Variants in TJP3 observed in about 807,000 individuals in gnomAD.
TJP3 encodes the protein tight junction protein 3.
TJP3 carries 85 observed loss-of-function variants against 104.2 expected under a neutral mutation model. That is an observed-to-expected ratio of 0.82 (90% confidence interval 0.68 to 0.98). The LOEUF is 0.98. TJP3 is among the 50% of genes least tolerant of loss of function. TJP3 has a pLI of 0.00. For missense variants in TJP3, 1,367 were observed against 1,322.8 expected, an observed-to-expected ratio of 1.03 and a Z score of -0.52; for synonymous variants, 550 against 550.6, an observed-to-expected ratio of 1.00 and a Z score of 0.02.
intron 11 of TJP3, 106 bp downstream of exon 11, chr19:3,736,427 C>A: frequency 8.4e-7 from 1 of 1,187,406 alleles, no homozygotes; most frequent in Non-Finnish European, 1.1e-6. Flanking sequence ...TGGGGACTGT[C>A]GAGACCCCAG....
At chr19:3,735,975 T>C (rs2145690275) in intron 10 of TJP3, 40 bp downstream of exon 10, 3 of 1,611,216 alleles carry the variant, frequency 1.9e-6, no homozygotes, top group South Asian at 1.1e-5. Flanking sequence ...TCAAAACTCC[T>C]ACATCCCAGG....
At chr19:3,737,722 C>T (rs552323709) in intron 11 of TJP3, among the ~76,000 whole-genome samples, 1 of 152,156 alleles carries the variant, frequency 6.6e-6, no homozygotes, top group African/African-American at 2.4e-5. Context: ...GTCATAAGCC[C>T]ACTGGCTGGG....
intron 1 of TJP3, among the ~76,000 whole-genome samples, chr19:3,717,359 A>AGC: frequency 8.1e-6 from 1 of 122,928 alleles, no homozygotes; most frequent in Non-Finnish European, 2.0e-5. Context: ...CGCCTTGGCC[A>AGC]TCCAAAGTGG....
In TJP3 at chr19:3,728,622, G is replaced by C; in HGVS notation, c.67G>C (p.Gly23Arg). Residue 23 changes from glycine to arginine, a missense_variant, in exon 3 of 21, where the codon GGC becomes CGC. Gly to Arg is a moderately radical substitution (Grantham distance 125). Transcript: ENST00000541714. ...CTCTCAGGACCCCCGCCGGGGCTTTGGCATTGCGATCTCTGGAGGCCGAGA... is the reference window on the plus strand; with the variant it reads ...CTCTCAGGACCCCCGCCGGGGCTTTCGCATTGCGATCTCTGGAGGCCGAGA... ...TLSKDPRRGF[G>R]IAISGGRDRP... The C allele has an allele frequency of 6.2e-7, 1 of 1,613,372 alleles. No homozygotes were observed. Among genetic ancestry groups the C allele is most frequent in the Non-Finnish European group, 8.5e-7 (1 of 1,179,892 alleles).
chr19:3,733,624 T>C (rs1239798552), intron 6 of TJP3, 129 bp from the exon 7 acceptor site: 3 of 1,247,826 alleles, frequency 2.4e-6, no homozygotes, highest in Middle Eastern at 2.7e-4. Context: ...ACACTTTCCT[T>C]AGGGAGTGGC....
chr19:3,735,765 C>G, intron 9 of TJP3, 104 bp from the exon 10 acceptor site: 1 of 1,581,636 alleles, frequency 6.3e-7, no homozygotes, highest in South Asian at 1.1e-5. Context: ...CTGAGAAGGA[C>G]TCGAGGTGGG....
chr19:3,725,271 A>ACAACCAAT (rs1322621366), intron 1 of TJP3, among the ~76,000 whole-genome samples: 1 of 151,362 alleles, frequency 6.6e-6, no homozygotes, highest in Non-Finnish European at 1.5e-5. Flanking sequence ...CAAAAACCAA[A>ACAACCAAT]CAACCAATCA....
chr19:3,742,426 C>G (rs184188589), intron 14 of TJP3, among the ~76,000 whole-genome samples: 6 of 151,686 alleles, frequency 4.0e-5, no homozygotes, highest in African/African-American at 1.2e-4. Flanking sequence ...AAGCCAGACT[C>G]TGGGGGGAAA....
At position 3,750,664 on chromosome 19, in the gene TJP3, G is replaced by C. The variant is rs377739031; in HGVS notation, c.2740G>C (p.Gly914Arg). ...CTCCGATGAAGACGGCTATGACTGG[G>C]GTCCGGCCACTGACCTGTGACCTCT... The part of the protein sequence containing the change: ...ESSDEDGYDW[G>R]PATDL The change falls in exon 21 of 21, where the codon GGT becomes CGT. Residue 914 changes from glycine (G) to arginine (R), a missense_variant. Physicochemically the swap from Gly to Arg is moderately radical, Grantham distance 125. Transcript: ENST00000541714. 1 of 1,603,388 alleles carries C rather than the reference G, an allele frequency of 6.2e-7. No homozygotes were observed. Among genetic ancestry groups the C allele is most frequent in the African/African-American group, 1.3e-5 (1 of 74,814 alleles).
chr19:3,741,259 C>A lies in TJP3; in HGVS notation c.1843+496C>A, dbSNP rs549480661. On this transcript the variant is annotated intron_variant, in intron 14 of 20. Transcript: ENST00000541714. ...CTCACGATCCACCCGCTTCAGCCTC[C>A]CAAAATGCTGAGATTACAGGCGTGA... Among the ~76,000 whole-genome samples the A allele has an allele frequency of 1.5e-4, 23 of 152,200 alleles. No individual in the cohort carries two copies. The East Asian group carries it at 4.5e-3, about 30-fold the overall frequency.
At position 3,709,393 on chromosome 19, in the gene TJP3, G is replaced by A. The variant is rs568352185; in HGVS notation, c.-10+832G>A. ...TTACAGGCGCAAGCCACTGCGCCCAGACTTCTTTTTCTAATCTTTACTCCT... is the reference window on the plus strand; with the variant it reads ...TTACAGGCGCAAGCCACTGCGCCCAAACTTCTTTTTCTAATCTTTACTCCT... On this transcript the variant is annotated intron_variant, in intron 1 of 20. Coordinates refer to ENST00000541714, the MANE Select transcript of TJP3 (RefSeq NM_001267560.2). Among the ~76,000 whole-genome samples the A allele has an allele frequency of 7.2e-5, 11 of 152,306 alleles. No individual in the cohort carries two copies. The South Asian group carries it at 2.1e-3, about 29-fold the overall frequency.
chr19:3,747,445 G>C (rs1379988261), intron 18 of TJP3, among the ~76,000 whole-genome samples: 1 of 151,852 alleles, frequency 6.6e-6, no homozygotes, highest in Non-Finnish European at 1.5e-5. Flanking sequence ...TGAGGCAGGA[G>C]AATCACTTGA....
intron 11 of TJP3, among the ~76,000 whole-genome samples, chr19:3,737,688 GA>G (rs537173238): frequency 4.3e-4 from 66 of 152,170 alleles, no homozygotes; most frequent in Non-Finnish European, 1.5e-4. Flanking sequence ...ATTCATGATG[GA>G]GTCACAGCTC....
chr19:3,708,489 C>T lies in TJP3; in HGVS notation c.-82C>T, dbSNP rs1267280180. 6.6e-6 allele frequency: 1 copy of T among 152,230 alleles called. No individual in the cohort carries two copies. Among genetic ancestry groups the T allele is most frequent in the Non-Finnish European group, 1.5e-5 (1 of 68,078 alleles). The allele number at this position is 152,230 out of a possible 1,614,324, so 9.4% of individuals were successfully genotyped here. On this transcript the variant is annotated 5_prime_UTR_variant, in exon 1 of 21. Coordinates refer to ENST00000541714, the MANE Select transcript of TJP3 (RefSeq NM_001267560.2). ...CTACAAGCCTCGGGTTCCCTCCCCA[C>T]CACCCGTGCCAGGCAGGCACCCGGG...
At chr19:3,721,972 G>A in intron 1 of TJP3, 1 of 1,005,292 alleles carries the variant, frequency 9.9e-7, no homozygotes, top group Non-Finnish European at 1.3e-6. Context: ...TGGGGGGAAA[G>A]CAGGGTTTGG....
intron 1 of TJP3, among the ~76,000 whole-genome samples, chr19:3,726,002 C>G (rs1016185588): frequency 6.6e-6 from 1 of 152,350 alleles, no homozygotes; most frequent in Non-Finnish European, 1.5e-5. Flanking sequence ...CCTTCCCACT[C>G]CTGGAGATCA....
chr19:3,710,167 A>T (rs964858417), intron 1 of TJP3, among the ~76,000 whole-genome samples: 3 of 122,344 alleles, frequency 2.5e-5, no homozygotes, highest in Non-Finnish European at 3.4e-5. Context: ...AAAAAAAAAA[A>T]GGGGTGGGGG....
chr19:3,731,497 G>A (rs2036670525), intron 5 of TJP3, among the ~76,000 whole-genome samples: 1 of 152,126 alleles, frequency 6.6e-6, no homozygotes, highest in South Asian at 2.1e-4. Context: ...GCCAGGCGTG[G>A]TGGTGTGCAC....
At position 3,738,968 on chromosome 19, in the gene TJP3, A is replaced by G. The variant is rs1318953292; in HGVS notation, c.1465A>G (p.Ser489Gly). Residue 489 changes from serine (S) to glycine (G), a missense_variant, in exon 13 of 21, where the codon AGT becomes GGT. Transcript: ENST00000541714. ...CCGCACTCACTTTGAGCTGGAGCCC[A>G]GTCCACCGTCTGGCCTGGGCTTCAC... ...YIRTHFELEPSPPSGLGFTRG... is the reference protein window; with the variant it reads ...YIRTHFELEPGPPSGLGFTRG... 2.5e-6 allele frequency: 4 copies of G among 1,613,218 alleles called. No individual in the cohort carries two copies. In the East Asian group the frequency reaches 8.9e-5, roughly 36 times the overall value.
Sources: gnomAD v4.1 joint callset for allele counts (sites outside exome capture counted in the v4.1 genomes callset) on GRCh38, gnomAD v4.1.1 for gene constraint, MANE v1.5 for transcripts, NCBI Gene and HGNC (gene_info 2026-07-23, HGNC 2026-07-21) for gene names.